Variants in HDAC9 observed in about 807,000 individuals in gnomAD.
The protein encoded by HDAC9 is histone deacetylase 9.
In HDAC9, 41 loss-of-function variants were observed where a neutral mutation model predicts 139.4. The ratio of observed to expected loss-of-function variants is 0.29; its 90% confidence interval spans 0.23 to 0.38. HDAC9 has a LOEUF of 0.38. HDAC9 is among the 10% of genes least tolerant of loss of function. The pLI, the probability that HDAC9 is intolerant of heterozygous loss-of-function variation, is 1.00. For synonymous variants in HDAC9, 517 were observed against 476.2 expected (o/e 1.09, Z -1.12); for missense variants, 1,147 against 1,297.0 (o/e 0.88, Z 1.78).
intron 23 of HDAC9, among the ~76,000 whole-genome samples, chr7:18,953,716 T>G (rs1266658462): frequency 6.6e-6 from 1 of 152,086 alleles, no homozygotes; most frequent in African/African-American, 2.4e-5. Flanking sequence ...ATAAGGTGGT[T>G]GGATGTAAAA....
At chr7:18,990,231 T>C (rs111689748) in intron 25 of HDAC9, among the ~76,000 whole-genome samples, 1 of 152,326 alleles carries the variant, frequency 6.6e-6, no homozygotes, top group African/African-American at 2.4e-5. Context: ...GATGGGTTTC[T>C]GGTGTGGATG....
intron 1 of HDAC9, among the ~76,000 whole-genome samples, chr7:18,145,850 T>G (rs912881092): frequency 6.6e-6 from 1 of 152,162 alleles, no homozygotes; most frequent in African/African-American, 2.4e-5. Context: ...TTCAGAGATC[T>G]CTATTGTGTT....
At chr7:18,989,803 T>A (rs1393409956) in intron 25 of HDAC9, among the ~76,000 whole-genome samples, 1 of 116,348 alleles carries the variant, frequency 8.6e-6, no homozygotes, top group Non-Finnish European at 1.8e-5. Context: ...TTTCATTGAT[T>A]TCATCTTCCA....
chr7:18,332,101 T>C (rs999839330), intron 1 of HDAC9, among the ~76,000 whole-genome samples: 1 of 151,732 alleles, frequency 6.6e-6, no homozygotes, highest in African/African-American at 2.4e-5. Flanking sequence ...CTATTTTCTT[T>C]GGAGTTCGAA....
chr7:18,685,185 A>G (rs1562850455), intron 12 of HDAC9, among the ~76,000 whole-genome samples: 1 of 152,038 alleles, frequency 6.6e-6, no homozygotes, highest in African/African-American at 2.4e-5. Flanking sequence ...TTCTCTAGCT[A>G]TGGAATCTAC....
chr7:18,868,451 A>G (rs1200213092), intron 21 of HDAC9, among the ~76,000 whole-genome samples: 1 of 152,192 alleles, frequency 6.6e-6, no homozygotes, highest in Non-Finnish European at 1.5e-5. Flanking sequence ...AAGGAAAGGT[A>G]ATTAAGGCGT....
chr7:18,133,399 G>A (rs1562655214), intron 1 of HDAC9, among the ~76,000 whole-genome samples: 1 of 152,102 alleles, frequency 6.6e-6, no homozygotes, highest in Non-Finnish European at 1.5e-5. Flanking sequence ...TGACATGTGA[G>A]AAGACTTGTC....
At position 18,418,887 on chromosome 7, in the gene HDAC9, A is replaced by T. The variant is rs145168944; in HGVS notation, c.-41-77375A>T. Among the ~76,000 whole-genome samples, 40 of 152,306 alleles carry T rather than the reference A, an allele frequency of 2.6e-4. No homozygotes were observed. In the East Asian group the frequency reaches 6.6e-3, roughly 25 times the overall value. On this transcript the variant is annotated intron_variant, in intron 1 of 3. Coordinates refer to the HDAC9 transcript ENST00000413509. ...TGGAAACAACTGTTTGTATACGCTCAAATACTTTACCCATTTTTATTCAAA... is the reference window on the plus strand; with the variant it reads ...TGGAAACAACTGTTTGTATACGCTCTAATACTTTACCCATTTTTATTCAAA...
At chr7:18,168,422 T>A (rs1254642551) in intron 2 of HDAC9, among the ~76,000 whole-genome samples, 4 of 152,238 alleles carry the variant, frequency 2.6e-5, no homozygotes, top group Non-Finnish European at 5.9e-5. Flanking sequence ...TATATTTTCT[T>A]AAGCCCTGTA....
chr7:18,525,532 G>A (rs1196151284), intron 2 of HDAC9, among the ~76,000 whole-genome samples: 1 of 152,004 alleles, frequency 6.6e-6, no homozygotes, highest in South Asian at 2.1e-4. Context: ...GGATGTTAAT[G>A]TTCATTCTAA....
At chr7:18,599,116 T>C (rs1833263038) in intron 6 of HDAC9, among the ~76,000 whole-genome samples, 1 of 152,382 alleles carries the variant, frequency 6.6e-6, no homozygotes, top group African/African-American at 2.4e-5. Context: ...TTTTAATTTC[T>C]GCTGTTAACT....
chr7:18,591,767 A>G (rs1270492705), intron 5 of HDAC9, 125 bp downstream of exon 5: 1 of 1,262,558 alleles, frequency 7.9e-7, no homozygotes, highest in Non-Finnish European at 1.1e-6. Context: ...AAGTTCCTTC[A>G]GTTCTCTAAG....
intron 22 of HDAC9, among the ~76,000 whole-genome samples, chr7:18,924,054 A>G (rs6973918): frequency 0.89 from 134,803 of 151,628 alleles, 59,988 homozygotes; most frequent in Admixed American, 0.93. Flanking sequence ...CATTTGTAAA[A>G]ATGGTGTAGG....
chr7:18,418,236 T>C (rs1042283079), intron 1 of HDAC9, among the ~76,000 whole-genome samples: 1 of 152,208 alleles, frequency 6.6e-6, no homozygotes, highest in Non-Finnish European at 1.5e-5. Context: ...CAGAACTTCC[T>C]TGACACTTCA....
chr7:18,783,240 C>G (rs886582879), intron 16 of HDAC9, among the ~76,000 whole-genome samples: 1 of 152,042 alleles, frequency 6.6e-6, no homozygotes, highest in Admixed American at 6.6e-5. Context: ...TCTGGCTTCA[C>G]CTTTTCTTTC....
chr7:18,904,572 CTTTTTTTTTTTTT>C (rs71017010), intron 22 of HDAC9, among the ~76,000 whole-genome samples: 2 of 71,942 alleles, frequency 2.8e-5, no homozygotes, highest in Non-Finnish European at 4.9e-5. Flanking sequence ...CTCCCCATTT[CTTTTTTTTTTTTT>C]TTTTTTTTTT....
At chr7:18,609,894 C>T (rs933087619) in intron 6 of HDAC9, among the ~76,000 whole-genome samples, 4 of 150,760 alleles carry the variant, frequency 2.7e-5, no homozygotes, top group Admixed American at 2.0e-4. Flanking sequence ...GGGTTTTTGT[C>T]CTTGCGAGTT....
chr7:18,758,820 T>G (rs1266830853), intron 14 of HDAC9, among the ~76,000 whole-genome samples: 1 of 151,998 alleles, frequency 6.6e-6, no homozygotes, highest in Non-Finnish European at 1.5e-5. Flanking sequence ...GAATTAGTTT[T>G]CACTGCTCTC....
intron 16 of HDAC9, among the ~76,000 whole-genome samples, chr7:18,786,615 T>TTCCTTCCTTCCCTCCCTCCCTCCC (rs1243651492): frequency 3.1e-5 from 1 of 32,564 alleles, no homozygotes; most frequent in African/African-American, 9.7e-5. Flanking sequence ...CCTTCCTTCC[T>TTCCTTCCTTCCCTCCCTCCCTCCC]TCCCTCCCTC....
Sources: allele counts gnomAD v4.1 joint callset (sites outside exome capture counted in the v4.1 genomes callset), GRCh38; gene constraint gnomAD v4.1.1; transcripts MANE v1.5; gene names NCBI Gene and HGNC (gene_info 2026-07-23, HGNC 2026-07-21).